ACAP3: variants seen among roughly 807,000 people sequenced by gnomAD.
ACAP3 encodes arf-GAP with coiled-coil, ANK repeat and PH domain-containing protein 3.
Under a neutral mutation model 104.1 loss-of-function variants are expected in ACAP3, and 56 were observed. That is an observed-to-expected ratio of 0.54 (90% CI 0.43 to 0.67). ACAP3 has a LOEUF of 0.67. Ranked by LOEUF, ACAP3 falls within the 30% of genes least tolerant of loss-of-function variation. The pLI is 0.00. For synonymous variants in ACAP3, 628 were observed against 496.2 expected (o/e 1.27, Z -3.53); for missense variants, 1,208 against 1,174.9 (o/e 1.03, Z -0.41).
At chr1:1,297,012 C>G (rs1332746190) in intron 14 of ACAP3, among the ~76,000 whole-genome samples, 1 of 152,264 alleles carries the variant, frequency 6.6e-6, no homozygotes, top group Admixed American at 6.5e-5. Flanking sequence ...CACAAGCCAG[C>G]ATGCCAGTGC....
chr1:1,301,561 A>AC (rs1204041467), intron 5 of ACAP3: 3 of 116,706 alleles, frequency 2.6e-5, no homozygotes, highest in African/African-American at 1.0e-4. Context: ...GCCCAGCCCC[A>AC]CCCCCCTCCA....
At chr1:1,304,279 C>G (rs1641584438) in intron 1 of ACAP3, 136 bp from the exon 2 acceptor site, 10 of 1,076,210 alleles carry the variant, frequency 9.3e-6, no homozygotes, top group Admixed American at 6.6e-5. Flanking sequence ...CAGACGCCTG[C>G]CTGCTACGGG....
intron 5 of ACAP3, among the ~76,000 whole-genome samples, chr1:1,301,144 C>T (rs1570653232): frequency 6.6e-6 from 1 of 150,578 alleles, no homozygotes; most frequent in East Asian, 1.9e-4. Flanking sequence ...AGTTATGGCT[C>T]ACTGCAGCCT....
rs946010151 is a variant in ACAP3 at position 1,295,778 on chromosome 1, G to C, written c.1663C>G (p.Arg555Gly). 7 of 1,608,448 alleles carry C rather than the reference G, an allele frequency of 4.4e-6. No homozygotes were observed. The highest frequency in any genetic ancestry group is 2.2e-5 in the South Asian group (2 of 91,016). ...PRAPTARRKV[R>G]LEPVLPCVAA... ...ACACAGGGCAGAACGGGCTCAAGCC[G>C]GACCTTGCGGCGGGCAGTGGGAGCG... The change falls in exon 18 of 24, where the codon CGG becomes GGG. Residue 555 changes from arginine (R) to glycine (G), a missense_variant. Coordinates refer to ENST00000354700, the MANE Select transcript of ACAP3 (RefSeq NM_030649.3).
At position 1,299,728 on chromosome 1, in the gene ACAP3, G is replaced by A. The variant is rs897758536; in HGVS notation, c.738+103C>T. The A allele has an allele frequency of 3.0e-6, 4 of 1,327,492 alleles. No individual in the cohort carries two copies. The East Asian group carries it at 7.6e-5, about 25-fold the overall frequency. 82.2% of individuals were successfully genotyped at this position (1,327,492 alleles called of 1,614,324 possible). On this transcript the variant is annotated intron_variant, in intron 9 of 23. Coordinates refer to ENST00000354700, the MANE Select transcript of ACAP3 (RefSeq NM_030649.3). ...GAGGGTGTGGGCAGGGCAGGTGGGA[G>A]ACAGGCAGGAGGAAGGGGCGGGGAG...
chr1:1,299,911 G>T lies in ACAP3; in HGVS notation c.664-6C>A, dbSNP rs1340905330. 3.8e-6 allele frequency: 6 copies of T among 1,586,864 alleles called. No homozygotes were observed. The South Asian group carries it at 5.6e-5, about 15-fold the overall frequency. On this transcript the variant is annotated splice_polypyrimidine_tract_variant and splice_region_variant and intron_variant, in intron 8 of 23. Transcript: ENST00000354700. ...TCGATCACCAGCTGGTCCAGCTGTTGGGGGTGGCATTAGGGAAGGTCACGG... is the reference window on the plus strand; with the variant it reads ...TCGATCACCAGCTGGTCCAGCTGTTTGGGGTGGCATTAGGGAAGGTCACGG...
At chr1:1,300,771 G>A (rs1641408899) in intron 5 of ACAP3, 79 bp from the exon 6 acceptor site, 4 of 1,494,240 alleles carry the variant, frequency 2.7e-6, no homozygotes, top group Non-Finnish European at 3.6e-6. Context: ...ATCGTTGTTT[G>A]TGTGTTTTTT....
At chr1:1,296,657 C>G in intron 14 of ACAP3, 24 bp from the exon 15 acceptor site, 3 of 1,524,658 alleles carry the variant, frequency 2.0e-6, no homozygotes, top group Non-Finnish European at 2.6e-6. Context: ...TGGAGCTGCT[C>G]GGTCCCGCAG....
chr1:1,307,005 G>C, intron 1 of ACAP3: 1 of 469,126 alleles, frequency 2.1e-6, no homozygotes, highest in South Asian at 1.6e-5. Context: ...ACGCAGAGGG[G>C]CAAAGTTCAC....
chr1:1,298,160 C>T, intron 12 of ACAP3, 47 bp from the exon 13 acceptor site: 1 of 1,570,142 alleles, frequency 6.4e-7, no homozygotes, highest in Non-Finnish European at 8.6e-7. Context: ...ACCACCCGGC[C>T]CCGACCACCC....
intron 19 of ACAP3, 54 bp downstream of exon 19, chr1:1,295,393 G>A: frequency 3.9e-6 from 6 of 1,545,294 alleles, no homozygotes; most frequent in Non-Finnish European, 5.3e-6. Flanking sequence ...GCACCCTTCA[G>A]GCCAGCCTCC....
At chr1:1,299,477 TG>T (rs1557604713) in intron 9 of ACAP3, 121 bp from the exon 10 acceptor site, 6 of 1,232,162 alleles carry the variant, frequency 4.9e-6, no homozygotes, top group Non-Finnish European at 2.2e-6. Context: ...CCCCAACTCC[TG>T]GGGGGCTCTC....
chr1:1,295,693 C>A, intron 18 of ACAP3, 43 bp downstream of exon 18: 2 of 1,568,856 alleles, frequency 1.3e-6, no homozygotes, highest in Admixed American at 1.8e-5. Context: ...CATCCCCGAC[C>A]AAGGCAAGCC....
At chr1:1,304,051 G>A in intron 2 of ACAP3, 35 bp downstream of exon 2, 1 of 1,550,052 alleles carries the variant, frequency 6.5e-7, no homozygotes, top group South Asian at 1.2e-5. Flanking sequence ...TCCCAAGCTT[G>A]GCCGGGCACA....
Position 1,298,363 on chromosome 1 carries a change from G to C in ACAP3, c.915+7C>G, listed in dbSNP as rs775024630. 1.7e-5 allele frequency: 28 copies of C among 1,605,446 alleles called. No individual in the cohort carries two copies. In the Middle Eastern group the frequency reaches 9.9e-4, roughly 57 times the overall value. ...ATCAGGGCCCCAGCCCCAGGCCCAGGGCACACCTTGAGCTTCTTCTGGTAG... is the reference window on the plus strand; with the variant it reads ...ATCAGGGCCCCAGCCCCAGGCCCAGCGCACACCTTGAGCTTCTTCTGGTAG... On this transcript the variant is annotated splice_region_variant and intron_variant, in intron 12 of 23. Coordinates refer to ENST00000354700, the MANE Select transcript of ACAP3 (RefSeq NM_030649.3).
At chr1:1,304,265 G>T in intron 1 of ACAP3, 122 bp from the exon 2 acceptor site, 1 of 1,215,454 alleles carries the variant, frequency 8.2e-7, no homozygotes, top group Non-Finnish European at 1.2e-6. Flanking sequence ...AACAGGCTGG[G>T]AGACAGACGC....
Position 1,297,873 on chromosome 1 carries a change from C to G in ACAP3, c.1077G>C (p.Gln359His). ...KLRQAWVQAV[Q>H]ASIASAYRES... Reference sequence around the variant, plus strand: ...CGCGGTAGGCGGAGGCGATGCTGGCCTGCACAGCCTGGACCCAGGCTTGCC... The same window carrying G: ...CGCGGTAGGCGGAGGCGATGCTGGCGTGCACAGCCTGGACCCAGGCTTGCC... Residue 359 changes from glutamine (Q) to histidine (H), a missense_variant, in exon 14 of 24, where the codon CAG becomes CAC. Gln to His is a conservative substitution (Grantham distance 24). Coordinates refer to ENST00000354700, the MANE Select transcript of ACAP3 (RefSeq NM_030649.3). The G allele has an allele frequency of 6.2e-7, 1 of 1,612,098 alleles. No homozygotes were observed. Among genetic ancestry groups the G allele is most frequent in the Non-Finnish European group, 8.5e-7 (1 of 1,179,544 alleles).
chr1:1,304,550 A>C, intron 1 of ACAP3: 1 of 261,114 alleles, frequency 3.8e-6, no homozygotes, highest in Non-Finnish European at 7.5e-6. Context: ...CCACTGCACT[A>C]CTGCAGCCCA....
At chr1:1,299,717 G>C in intron 9 of ACAP3, 114 bp downstream of exon 9, 1 of 1,245,544 alleles carries the variant, frequency 8.0e-7, no homozygotes, top group Non-Finnish European at 1.1e-6. Flanking sequence ...GTGTGGGCAG[G>C]GCAGGTGGGA....
Sources: gnomAD v4.1 joint callset for allele counts (sites outside exome capture counted in the v4.1 genomes callset) on GRCh38, gnomAD v4.1.1 for gene constraint, MANE v1.5 for transcripts, NCBI Gene and HGNC (gene_info 2026-07-23, HGNC 2026-07-21) for gene names.